CTNNA2: variants seen among roughly 807,000 people sequenced by gnomAD.
The protein encoded by CTNNA2 is catenin alpha 2.
A neutral mutation model predicts 101.0 loss-of-function variants in CTNNA2; 42 were observed. The ratio of observed to expected loss-of-function variants is 0.42; its 90% CI spans 0.32 to 0.54. CTNNA2 has a LOEUF of 0.54. Among genes scored for constraint, CTNNA2 ranks in the 20% least tolerant of loss-of-function variants. CTNNA2 has a pLI of 0.14. For synonymous variants in CTNNA2, 450 were observed against 456.4 expected (o/e 0.99, Z 0.18); for missense variants, 871 against 1,223.1 (o/e 0.71, Z 4.29).
chr2:79,502,506 T>C (rs1251833837), intron 4 of CTNNA2, among the ~76,000 whole-genome samples: 1 of 152,178 alleles, frequency 6.6e-6, no homozygotes, highest in Non-Finnish European at 1.5e-5. Context: ...AGAAATGCAT[T>C]AGTGAGAGAA....
intron 3 of CTNNA2, among the ~76,000 whole-genome samples, chr2:79,361,244 G>A (rs1436040401): frequency 2.0e-5 from 3 of 152,118 alleles, no homozygotes; most frequent in Admixed American, 6.5e-5. Flanking sequence ...AATAGCTAAT[G>A]CATTTAGATG....
At chr2:79,975,772 G>C (rs999456797) in intron 7 of CTNNA2, among the ~76,000 whole-genome samples, 2 of 152,228 alleles carry the variant, frequency 1.3e-5, no homozygotes, top group Non-Finnish European at 2.9e-5. Context: ...CGGGGAAGGG[G>C]AGTGGAGCTC....
intron 2 of CTNNA2, among the ~76,000 whole-genome samples, chr2:79,219,129 G>A (rs1024001777): frequency 1.3e-5 from 2 of 152,054 alleles, no homozygotes; most frequent in Non-Finnish European, 2.9e-5. Flanking sequence ...ATTGTACCAT[G>A]AGCATCCTTC....
At chr2:79,829,954 A>G (rs1430631021) in intron 3 of CTNNA2, among the ~76,000 whole-genome samples, 1 of 151,956 alleles carries the variant, frequency 6.6e-6, no homozygotes, top group Non-Finnish European at 1.5e-5. Context: ...GGTATAAGGG[A>G]CCTTATTCCA....
Position 79,422,405 on chromosome 2 carries a change from A to G in CTNNA2, c.-135+48392A>G, listed in dbSNP as rs190157699. ...CACACCTAGTGTGTAGAGCCCAGGC[A>G]TGCTGCTAAACATCCTACAACACAC... On this transcript the variant is annotated intron_variant, in intron 4 of 21. Coordinates refer to the CTNNA2 transcript ENST00000466387. Among the ~76,000 whole-genome samples the G allele has an allele frequency of 1.9e-3, 290 of 152,046 alleles. 1 individual carries two copies. Among genetic ancestry groups the G allele is most frequent in the African/African-American group, 6.6e-3 (274 of 41,462 alleles).
At chr2:80,345,434 A>C (rs1237810669) in intron 7 of CTNNA2, among the ~76,000 whole-genome samples, 1 of 151,846 alleles carries the variant, frequency 6.6e-6, no homozygotes, top group Non-Finnish European at 1.5e-5. Flanking sequence ...CCTTGTCTGT[A>C]CTGTTCTAAA....
chr2:80,179,205 A>G (rs574072915), intron 7 of CTNNA2, among the ~76,000 whole-genome samples: 4 of 152,330 alleles, frequency 2.6e-5, no homozygotes, highest in South Asian at 4.1e-4. Flanking sequence ...TGCTCAAGCA[A>G]TGAAACCACA....
In CTNNA2 at chr2:79,401,977, A is replaced by G. The variant is rs560590119; in HGVS notation, c.-135+27964A>G. ...ACTAAAATGCTAGGAAAAAAGATAT[A>G]TGATTCATTAGTACCCAAATAGCCA... On this transcript the variant is annotated intron_variant, in intron 4 of 21. Transcript: ENST00000466387. 1.1e-4 allele frequency among the ~76,000 whole-genome samples: 16 copies of G among 151,882 alleles called. No individual in the cohort carries two copies. In the South Asian group the frequency reaches 3.3e-3, roughly 31 times the overall value.
At position 80,409,142 on chromosome 2, in the gene CTNNA2, T is replaced by C. The variant is rs1444538; in HGVS notation, c.1138-10307T>C. Among the ~76,000 whole-genome samples, 324 of 152,264 alleles carry C rather than the reference T, an allele frequency of 2.1e-3. 1 individual carries two copies. The highest frequency in any genetic ancestry group is 3.5e-3 in the Non-Finnish European group (237 of 68,030). On this transcript the variant is annotated intron_variant, in intron 8 of 18. Coordinates refer to ENST00000402739, the MANE Select transcript of CTNNA2 (RefSeq NM_001282597.3). ...GGGTTCAGCGATCTGAGCAAGGTAG[T>C]TATGCTAGAAATGTCTTTTCCACCT... is the stretch of plus-strand genomic sequence containing the variant.
At chr2:79,649,536 A>T (rs1028556973) in intron 1 of CTNNA2, among the ~76,000 whole-genome samples, 3 of 152,206 alleles carry the variant, frequency 2.0e-5, no homozygotes, top group Non-Finnish European at 4.4e-5. Context: ...CAGTGTCTGC[A>T]GGAAGCATCT....
chr2:80,243,091 A>G (rs1174163893), intron 7 of CTNNA2, among the ~76,000 whole-genome samples: 4 of 152,198 alleles, frequency 2.6e-5, no homozygotes, highest in South Asian at 2.1e-4. Context: ...TTCAGATAGA[A>G]TGCTATTTTA....
At chr2:80,587,570 C>T (rs1213879681) in intron 14 of CTNNA2, among the ~76,000 whole-genome samples, 1 of 152,128 alleles carries the variant, frequency 6.6e-6, no homozygotes, top group Non-Finnish European at 1.5e-5. Context: ...AAGTCTTAAC[C>T]CATGTCAGCT....
At chr2:80,630,477 AAAT>A (rs1672165544) in intron 18 of CTNNA2, among the ~76,000 whole-genome samples, 2 of 151,982 alleles carry the variant, frequency 1.3e-5, no homozygotes, top group Non-Finnish European at 2.9e-5. Context: ...TCTCTACTAA[AAAT>A]AAAAAAATTA....
intron 18 of CTNNA2, among the ~76,000 whole-genome samples, chr2:80,645,770 G>C (rs755468385): frequency 2.6e-5 from 4 of 152,080 alleles, no homozygotes; most frequent in African/African-American, 4.8e-5. Context: ...CTGTATAAAC[G>C]AAAGAGTATG....
intron 2 of CTNNA2, among the ~76,000 whole-genome samples, chr2:79,714,544 C>G (rs1241039175): frequency 6.6e-6 from 1 of 152,192 alleles, no homozygotes; most frequent in Non-Finnish European, 1.5e-5. Flanking sequence ...TATCAATGTA[C>G]AGGCAAATGT....
At chr2:79,291,275 C>T (rs371438484) in intron 2 of CTNNA2, among the ~76,000 whole-genome samples, 13 of 152,288 alleles carry the variant, frequency 8.5e-5, no homozygotes, top group Admixed American at 5.9e-4. Flanking sequence ...TATTTTAAAG[C>T]AAAGTACAGC....
chr2:79,793,308 A>G (rs1467739063), intron 3 of CTNNA2, among the ~76,000 whole-genome samples: 1 of 152,186 alleles, frequency 6.6e-6, no homozygotes, highest in Non-Finnish European at 1.5e-5. Flanking sequence ...GTGAGTCTCA[A>G]ATTCATGTTG....
chr2:79,392,645 C>CT (rs963399984), intron 4 of CTNNA2, among the ~76,000 whole-genome samples: 3 of 151,918 alleles, frequency 2.0e-5, no homozygotes, highest in East Asian at 1.9e-4. Flanking sequence ...TTAAGGTTTT[C>CT]TTTTTTGGGA....
chr2:79,903,405 G>A (rs1215748874), intron 6 of CTNNA2, among the ~76,000 whole-genome samples: 3 of 151,884 alleles, frequency 2.0e-5, no homozygotes, highest in Admixed American at 6.6e-5. Context: ...AACCCAAACA[G>A]GATTATGTCA....
Sources: gnomAD v4.1 joint callset for allele counts (sites outside exome capture counted in the v4.1 genomes callset) on GRCh38, gnomAD v4.1.1 for gene constraint, MANE v1.5 for transcripts, NCBI Gene and HGNC (gene_info 2026-07-23, HGNC 2026-07-21) for gene names.